PMFBP1: variants seen among roughly 807,000 people sequenced by gnomAD.
PMFBP1 encodes the protein polyamine modulated factor 1 binding protein 1.
PMFBP1 carries 131 observed loss-of-function variants against 137.8 expected under a neutral mutation model. The ratio of observed to expected loss-of-function variants is 0.95; its 90% CI spans 0.82 to 1.10. The LOEUF (loss-of-function observed/expected upper bound fraction) is 1.10. Among genes scored for constraint, PMFBP1 ranks in the 50% least tolerant of loss-of-function variants. PMFBP1 has a pLI of 0.00. For missense variants in PMFBP1, 1,199 were observed against 1,175.4 expected, an observed-to-expected ratio of 1.02 and a Z score of -0.29; for synonymous variants, 490 against 450.4, an observed-to-expected ratio of 1.09 and a Z score of -1.11.
intron 5 of PMFBP1, among the ~76,000 whole-genome samples, chr16:72,150,187 C>G (rs2042880530): frequency 6.6e-6 from 1 of 152,106 alleles, no homozygotes; most frequent in Non-Finnish European, 1.5e-5. Context: ...TGCCGGACCC[C>G]CATGAGAACT....
At chr16:72,152,844 C>CAAAAA (rs34108768) in intron 4 of PMFBP1, among the ~76,000 whole-genome samples, 1 of 65,054 alleles carries the variant, frequency 1.5e-5, no homozygotes, top group Non-Finnish European at 2.8e-5. Flanking sequence ...GACTTCGTCT[C>CAAAAA]AAAAAAAAAA....
At chr16:72,237,544 T>A in the PMFBP1 span, among the ~76,000 whole-genome samples, 1 of 152,162 alleles carries the variant, frequency 6.6e-6, no homozygotes, top group Admixed American at 6.6e-5. Context: ...TTTATTTAGG[T>A]CTTCAATTTC....
chr16:72,175,533 T>C (rs770031234), upstream of PMFBP1, among the ~76,000 whole-genome samples: 2 of 152,176 alleles, frequency 1.3e-5, no homozygotes, highest in Non-Finnish European at 2.9e-5. Flanking sequence ...ACCTTGTTGC[T>C]CCAAGGAACA....
At chr16:72,150,453 T>C (rs977374179) in intron 5 of PMFBP1, among the ~76,000 whole-genome samples, 155 bp downstream of exon 5, 1 of 152,174 alleles carries the variant, frequency 6.6e-6, no homozygotes, top group African/African-American at 2.4e-5. Flanking sequence ...ATGTGAAAGC[T>C]GGAGGTTCAA....
chr16:72,190,198 G>C, the PMFBP1 span, among the ~76,000 whole-genome samples: 10 of 152,136 alleles, frequency 6.6e-5, no homozygotes, highest in Non-Finnish European at 1.2e-4. Context: ...CTAATCTCCT[G>C]ACCTTTGTTA....
chr16:72,131,370 G>C (rs886399418), intron 10 of PMFBP1, among the ~76,000 whole-genome samples: 1 of 152,234 alleles, frequency 6.6e-6, no homozygotes, highest in African/African-American at 2.4e-5. Flanking sequence ...GAAATGCTTA[G>C]ATGTGGTTTA....
At chr16:72,234,929 T>G in the PMFBP1 span, among the ~76,000 whole-genome samples, 1 of 152,344 alleles carries the variant, frequency 6.6e-6, no homozygotes, top group East Asian at 1.9e-4. Flanking sequence ...GTTCTTCATG[T>G]ACTCTGGATA....
chr16:72,224,334 A>C, the PMFBP1 span, among the ~76,000 whole-genome samples: 1 of 151,434 alleles, frequency 6.6e-6, no homozygotes, highest in African/African-American at 2.4e-5. Context: ...TCTCTCCTCT[A>C]CTCCGTTGAC....
intron 2 of PMFBP1, 28 bp from the exon 3 acceptor site, chr16:72,164,944 A>C: frequency 6.4e-7 from 1 of 1,555,588 alleles, no homozygotes; most frequent in Middle Eastern, 1.7e-4. Flanking sequence ...CAAAAGCATC[A>C]ATTATAAACT....
the PMFBP1 span, among the ~76,000 whole-genome samples, chr16:72,185,364 C>T: frequency 2.6e-5 from 4 of 151,964 alleles, no homozygotes; most frequent in Admixed American, 6.6e-5. Flanking sequence ...CCCTTCTTTA[C>T]GTTTCCCGCC....
At chr16:72,238,539 C>T in the PMFBP1 span, among the ~76,000 whole-genome samples, 5 of 152,052 alleles carry the variant, frequency 3.3e-5, no homozygotes, top group Non-Finnish European at 7.4e-5. Context: ...TCCTTATAGT[C>T]TATATGTCAG....
At chr16:72,125,877 A>G (rs896424986) in intron 15 of PMFBP1, 91 bp downstream of exon 15, 3 of 1,477,428 alleles carry the variant, frequency 2.0e-6, no homozygotes, top group Non-Finnish European at 2.8e-6. Context: ...TTGACAGTCA[A>G]TAGGCAGGAA....
At position 72,130,294 on chromosome 16, in the gene PMFBP1, G is replaced by A; in HGVS notation, c.1701C>T (p.Asp567=). The change falls in exon 12 of 21, where the codon GAC becomes GAT. Residue 567 remains aspartate, a synonymous_variant. Coordinates refer to ENST00000237353, the MANE Select transcript of PMFBP1 (RefSeq NM_031293.3). ...TCTTCTGAAGCTGCCTCTTTTCCTT[G>A]TCTGAATTTTCAAGCTTCCTCAGGG... ...SEALRKLENS[D]KEKRQLQKTV... The A allele has an allele frequency of 6.2e-7, 1 of 1,614,154 alleles. No homozygotes were observed. The highest frequency in any genetic ancestry group is 8.5e-7 in the Non-Finnish European group (1 of 1,180,032).
chr16:72,157,022 C>A (rs2042991114), intron 3 of PMFBP1, among the ~76,000 whole-genome samples: 1 of 151,088 alleles, frequency 6.6e-6, no homozygotes, highest in African/African-American at 2.4e-5. Flanking sequence ...CCCATCTCTA[C>A]TAAAAATAAA....
At chr16:72,229,198 G>T in the PMFBP1 span, among the ~76,000 whole-genome samples, 1 of 151,978 alleles carries the variant, frequency 6.6e-6, no homozygotes, top group Non-Finnish European at 1.5e-5. Context: ...TCTTATTTAC[G>T]GCTGCATAAT....
rs145734065 is a variant in PMFBP1, at chr16:72,122,942, A to C, written c.2740T>G (p.Tyr914Asp). Reference protein sequence around the residue: ...LGNQLREQVKYIAKLSGEKDH... With the variant: ...LGNQLREQVKDIAKLSGEKDH... The stretch of plus-strand genomic sequence containing the variant: ...TTTTCGCCACTCAGCTTGGCAATGT[A>C]TTTCACCTGCTCTCGGAGCTGGTTT... The change falls in exon 19 of 21, where the codon TAC becomes GAC. Residue 914 changes from tyrosine (Y) to aspartate (D), a missense_variant. By Grantham distance (160) the Tyr-to-Asp change is radical (BLOSUM62 -3). Coordinates refer to ENST00000237353, the MANE Select transcript of PMFBP1 (RefSeq NM_031293.3). 4.6e-5 allele frequency: 75 copies of C among 1,613,366 alleles called. No individual in the cohort carries two copies. The highest frequency in any genetic ancestry group is 5.9e-5 in the Non-Finnish European group (70 of 1,179,984).
chr16:72,157,981 T>C (rs941682683), intron 3 of PMFBP1, among the ~76,000 whole-genome samples: 2 of 152,154 alleles, frequency 1.3e-5, no homozygotes, highest in Non-Finnish European at 2.9e-5. Context: ...ACTGGGGAGA[T>C]GGAATTTTAA....
chr16:72,154,095 C>T, intron 4 of PMFBP1, 116 bp downstream of exon 4: 1 of 1,373,742 alleles, frequency 7.3e-7, no homozygotes, highest in Non-Finnish European at 9.8e-7. Flanking sequence ...TTTATAAAAC[C>T]TGCTCGGGAT....
intron 5 of PMFBP1, among the ~76,000 whole-genome samples, chr16:72,141,860 C>A (rs1597473026): frequency 6.6e-6 from 1 of 152,146 alleles, no homozygotes; most frequent in South Asian, 2.1e-4. Flanking sequence ...GAAATTAACA[C>A]CTAACACTGT....
Sources: gnomAD v4.1 joint callset for allele counts (sites outside exome capture counted in the v4.1 genomes callset) on GRCh38, gnomAD v4.1.1 for gene constraint, MANE v1.5 for transcripts, NCBI Gene and HGNC (gene_info 2026-07-23, HGNC 2026-07-21) for gene names.